The following AMMECR1L variants were observed in gnomAD, a reference collection of about 807,000 sequenced individuals.
The protein encoded by AMMECR1L is AMMECR1 like.
Under a neutral mutation model 36.8 loss-of-function variants are expected in AMMECR1L, and 4 were observed. The observed-to-expected ratio is 0.11, with a 90% CI of 0.05 to 0.25. The LOEUF (loss-of-function observed/expected upper bound fraction) is 0.25. Among genes scored for constraint, AMMECR1L ranks in the 10% least tolerant of loss-of-function variants. AMMECR1L has a pLI of 1.00. For missense variants in AMMECR1L, 232 were observed against 392.1 expected, an observed-to-expected ratio of 0.59 and a Z score of 3.45; for synonymous variants, 147 against 148.0, an observed-to-expected ratio of 0.99 and a Z score of 0.05.
Position 127,865,129 on chromosome 2 carries a change from G to A in AMMECR1L, c.898C>T (p.Leu300Phe). Reference sequence around the variant, plus strand: ...TGATTGTAGAGGGGCGGGGCATGAAGAGTGCCGTTCTGGAAACAGTGCTGT... The same window carrying A: ...TGATTGTAGAGGGGCGGGGCATGAAAAGTGCCGTTCTGGAAACAGTGCTGT... ...SRQHCFQNGT[L>F]HAPPLYNHYS is the part of the protein sequence containing the mutation. The change falls in exon 8 of 8, where the codon CTT (leucine) becomes TTT (phenylalanine). Residue 300 changes from leucine to phenylalanine, a missense_variant. Around this residue, in one of 3 missense-constraint regions of AMMECR1L, gnomAD observed 40 missense variants for 34.5 expected, o/e 1.16. Transcript: ENST00000272647. The surrounding 1 kb of genome is among the most constrained non-coding windows in gnomAD (Gnocchi z 5.4). The A allele has an allele frequency of 6.2e-7, 1 of 1,613,992 alleles. No individual in the cohort carries two copies. Among genetic ancestry groups the A allele is most frequent in the Non-Finnish European group, 8.5e-7 (1 of 1,179,946 alleles).
intron 3 of AMMECR1L, chr2:127,872,854 G>T (rs1691051409): frequency 2.6e-6 from 1 of 383,664 alleles, no homozygotes; most frequent in Non-Finnish European, 3.6e-6. Flanking sequence ...TCAGTCAGGT[G>T]TTTTCTAACC....
chr2:127,872,336 C>T (rs547438808), intron 3 of AMMECR1L, among the ~76,000 whole-genome samples: 23 of 152,100 alleles, frequency 1.5e-4, no homozygotes, highest in Non-Finnish European at 2.6e-4. Flanking sequence ...CATGAGCCAC[C>T]GCGCCCAGCC....
chr2:127,885,519 A>G, intron 1 of AMMECR1L: 1 of 983,336 alleles, frequency 1.0e-6, no homozygotes, highest in Non-Finnish European at 1.2e-6. Context: ...GCAGACAAGG[A>G]CCAGGAGCGG....
intron 6 of AMMECR1L, among the ~76,000 whole-genome samples, chr2:127,868,504 C>A (rs1690806545): frequency 6.6e-6 from 1 of 152,214 alleles, no homozygotes; most frequent in Non-Finnish European, 1.5e-5. Flanking sequence ...ATACACTTCA[C>A]CGGGTATTTT....
At chr2:127,878,524 C>T (rs1044659468) in intron 2 of AMMECR1L, among the ~76,000 whole-genome samples, 6 of 152,228 alleles carry the variant, frequency 3.9e-5, no homozygotes, top group Non-Finnish European at 8.8e-5. Context: ...ACAACTCAGA[C>T]ATTCTCTTCC....
At position 127,869,553 on chromosome 2, in the gene AMMECR1L, A is replaced by G. The variant is rs1250282026; in HGVS notation, c.634-9T>C. On this transcript the variant is annotated splice_polypyrimidine_tract_variant and intron_variant, in intron 5 of 7. Coordinates refer to ENST00000272647, the MANE Select transcript of AMMECR1L (RefSeq NM_001199140.2). The surrounding 1 kb of genome is among the most constrained non-coding windows in gnomAD (Gnocchi z 4.7). ...ATCCCATGGACCCCTACCTATAGAAAAAAGTACAACCAAGTAAATGGCATT... is the reference window on the plus strand; with the variant it reads ...ATCCCATGGACCCCTACCTATAGAAGAAAGTACAACCAAGTAAATGGCATT... 1 of 1,607,518 alleles carries G rather than the reference A, an allele frequency of 6.2e-7. No individual in the cohort carries two copies.
rs958633094 is a variant in AMMECR1L at position 127,869,143 on chromosome 2, T to C, written c.724+311A>G. Among the ~76,000 whole-genome samples, 1 of 152,172 alleles carries C rather than the reference T, an allele frequency of 6.6e-6. No individual in the cohort carries two copies. Among genetic ancestry groups the C allele is most frequent in the Non-Finnish European group, 1.5e-5 (1 of 68,040 alleles). On this transcript the variant is annotated intron_variant, in intron 6 of 7. Transcript: ENST00000272647. This position sits in a 1 kb window ranked among gnomAD's most constrained non-coding sequence, Gnocchi z 4.7. ...TACTGAATTCTACAATATGGTCAGG[T>C]TGATTGGTGGTATTTTGCTACAATT... is the stretch of plus-strand genomic sequence containing the variant.
intron 1 of AMMECR1L, chr2:127,885,224 G>A (rs1691705929): frequency 4.1e-6 from 4 of 985,212 alleles, no homozygotes; most frequent in East Asian, 2.3e-4. Flanking sequence ...CGCGTGTGAA[G>A]AGTGTTAAGA....
rs1691058475 is a variant in AMMECR1L at position 127,873,007 on chromosome 2, G to GA, written c.407+820dup. On this transcript the variant is annotated intron_variant, in intron 3 of 7. Coordinates refer to ENST00000272647, the MANE Select transcript of AMMECR1L (RefSeq NM_001199140.2). The surrounding 1 kb of genome is among the most constrained non-coding windows in gnomAD (Gnocchi z 5.2). ...CAACCTGACAGGCCTCCCAAGGGAA[G>GA]AGGCTCCTTTTCTTCACACCCTCTC... is the stretch of plus-strand genomic sequence containing the variant. The GA allele has an allele frequency of 1.0e-6, 1 of 985,288 alleles. No homozygotes were observed. Among genetic ancestry groups the GA allele is most frequent in the Non-Finnish European group, 1.2e-6 (1 of 829,942 alleles). The allele number at this position is 985,288 out of a possible 1,614,324, so 61.0% of individuals were successfully genotyped here.
In AMMECR1L at chr2:127,865,280, C is replaced by A. The variant is rs1005287615; in HGVS notation, c.822-75G>T. 2.4e-5 allele frequency: 23 copies of A among 965,476 alleles called. No homozygotes were observed. The highest frequency in any genetic ancestry group is 4.5e-4 in the Middle Eastern group (2 of 4,486). The allele number at this position is 965,476 out of a possible 1,614,324, so 59.8% of individuals were successfully genotyped here. On this transcript the variant is annotated intron_variant, in intron 7 of 7. Coordinates refer to ENST00000272647, the MANE Select transcript of AMMECR1L (RefSeq NM_001199140.2). The surrounding 1 kb of genome is among the most constrained non-coding windows in gnomAD (Gnocchi z 5.4). ...TGTAAAGTCACTCAGCAGAGAAAAA[C>A]CAAAAGCTTATTCCACATTTTGAAA...
intron 2 of AMMECR1L, among the ~76,000 whole-genome samples, chr2:127,875,785 T>TTC (rs34912743): frequency 5.3e-4 from 65 of 123,746 alleles, no homozygotes; most frequent in South Asian, 9.0e-4. Context: ...CCCTCTCCTC[T>TTC]TCTCTCTCTC....
chr2:127,870,987 T>C, intron 4 of AMMECR1L, 59 bp from the exon 5 acceptor site: 3 of 1,298,400 alleles, frequency 2.3e-6, no homozygotes, highest in Non-Finnish European at 3.2e-6. Flanking sequence ...CAATATCAGG[T>C]GCCATAGAGC....
chr2:127,873,153 G>A lies in AMMECR1L; in HGVS notation c.407+675C>T, dbSNP rs796990104. On this transcript the variant is annotated intron_variant, in intron 3 of 7. Coordinates refer to ENST00000272647, the MANE Select transcript of AMMECR1L (RefSeq NM_001199140.2). The surrounding 1 kb of genome is among the most constrained non-coding windows in gnomAD (Gnocchi z 5.2). ...AAAACAAAAATAAAAAAACAGCAAT[G>A]CTCTTCAAAGCCAGCTCAGAGCGGC... The A allele has an allele frequency of 2.3e-5, 23 of 985,422 alleles. No homozygotes were observed. The African/African-American group carries it at 2.6e-4, about 11-fold the overall frequency. The allele number at this position is 985,422 out of a possible 1,614,324, so 61.0% of individuals were successfully genotyped here.
At chr2:127,879,976 G>A (rs1316955215) in intron 2 of AMMECR1L, among the ~76,000 whole-genome samples, 6 of 152,174 alleles carry the variant, frequency 3.9e-5, no homozygotes, top group African/African-American at 1.4e-4. Context: ...GGTACTGTGA[G>A]CATAGTACAA....
At chr2:127,868,086 T>G (rs966380700) in intron 6 of AMMECR1L, among the ~76,000 whole-genome samples, 1 of 152,120 alleles carries the variant, frequency 6.6e-6, no homozygotes, top group African/African-American at 2.4e-5. Flanking sequence ...CAGACTAGTC[T>G]TGAACTCCTG....
chr2:127,872,250 C>A (rs923871134), intron 3 of AMMECR1L, among the ~76,000 whole-genome samples: 1 of 151,156 alleles, frequency 6.6e-6, no homozygotes, highest in Non-Finnish European at 1.5e-5. Context: ...GTTGCCCAGG[C>A]TAATCTTGAA....
chr2:127,878,419 A>C (rs928051752), intron 2 of AMMECR1L, among the ~76,000 whole-genome samples: 2 of 152,202 alleles, frequency 1.3e-5, no homozygotes, highest in Non-Finnish European at 2.9e-5. Context: ...AATCGAAGGG[A>C]AAGAATAAAA....
intron 1 of AMMECR1L, chr2:127,884,905 A>T (rs559306477): frequency 1.3e-5 from 2 of 152,612 alleles, no homozygotes; most frequent in East Asian, 1.9e-4. Context: ...AGATGTAAGT[A>T]AACAGGAGAC....
chr2:127,882,615 ACAGGGTCTC>A (rs1180689624), intron 2 of AMMECR1L, among the ~76,000 whole-genome samples: 3 of 151,836 alleles, frequency 2.0e-5, no homozygotes, highest in Non-Finnish European at 4.4e-5. Flanking sequence ...TGTTTTGGAG[ACAGGGTCTC>A]CGTCTGCGGT....
Sources: gnomAD v4.1 joint callset for allele counts (sites outside exome capture counted in the v4.1 genomes callset) on GRCh38, gnomAD v4.1.1 for gene constraint, gnomAD v4.1.1 regional missense constraint, Gnocchi (gnomAD v3.1) non-coding constraint, MANE v1.5 for transcripts, NCBI Gene and HGNC (gene_info 2026-07-23, HGNC 2026-07-21) for gene names.